The following SPOCK3 variants were observed in gnomAD, a reference collection of about 807,000 sequenced individuals.
SPOCK3 encodes SPARC (osteonectin), cwcv and kazal like domains proteoglycan 3, also known as testican-3.
Under a neutral mutation model 56.6 loss-of-function variants are expected in SPOCK3, and 30 were observed. The observed-to-expected ratio is 0.53, with a 90% CI of 0.40 to 0.72. The LOEUF (loss-of-function observed/expected upper bound fraction) is 0.72. SPOCK3 is among the 30% of genes least tolerant of loss of function. SPOCK3 has a pLI of 0.00. For synonymous variants in SPOCK3, 196 were observed against 183.3 expected, an observed-to-expected ratio of 1.07 and a Z score of -0.56; for missense variants, 527 against 530.0, an observed-to-expected ratio of 0.99 and a Z score of 0.06.
At chr4:166,959,029 A>G (rs556569828) in intron 4 of SPOCK3, among the ~76,000 whole-genome samples, 97 of 152,298 alleles carry the variant, frequency 6.4e-4, no homozygotes, top group Non-Finnish European at 1.2e-3. Context: ...AAAAAGATTA[A>G]TTTTTATTTA....
intron 2 of SPOCK3, among the ~76,000 whole-genome samples, chr4:167,229,142 G>A (rs1333372396): frequency 1.3e-5 from 2 of 151,980 alleles, no homozygotes; most frequent in South Asian, 2.1e-4. Context: ...CATAAGAATT[G>A]GATATCCATT....
At chr4:166,958,314 C>G (rs1019224046) in intron 4 of SPOCK3, among the ~76,000 whole-genome samples, 1 of 152,134 alleles carries the variant, frequency 6.6e-6, no homozygotes, top group African/African-American at 2.4e-5. Flanking sequence ...CTGAGGCCTC[C>G]CCAGAAGCAG....
At chr4:167,023,991 C>A (rs1561131474) in intron 3 of SPOCK3, among the ~76,000 whole-genome samples, 1 of 152,030 alleles carries the variant, frequency 6.6e-6, no homozygotes, top group Non-Finnish European at 1.5e-5. Context: ...TCCCTTTTCT[C>A]TCCCTGCTAC....
chr4:167,162,035 TATA>T (rs1482318196), intron 2 of SPOCK3, among the ~76,000 whole-genome samples: 9 of 151,884 alleles, frequency 5.9e-5, no homozygotes, highest in Admixed American at 3.9e-4. Context: ...AAACTTAAAG[TATA>T]ATAATAAAAA....
intron 6 of SPOCK3, among the ~76,000 whole-genome samples, chr4:166,846,863 TC>T (rs1748110009): frequency 6.6e-6 from 1 of 152,102 alleles, no homozygotes; most frequent in Non-Finnish European, 1.5e-5. Flanking sequence ...GAAAATTGAT[TC>T]CTGATTTTCC....
At chr4:166,766,627 A>T (rs557456583) in intron 7 of SPOCK3, among the ~76,000 whole-genome samples, 2 of 152,290 alleles carry the variant, frequency 1.3e-5, no homozygotes, top group East Asian at 3.9e-4. Context: ...AATGTTCATC[A>T]GCGATATTGG....
At chr4:167,228,222 A>C (rs1736793900) in intron 2 of SPOCK3, among the ~76,000 whole-genome samples, 1 of 152,154 alleles carries the variant, frequency 6.6e-6, no homozygotes, top group Non-Finnish European at 1.5e-5. Context: ...TCAACTTGAC[A>C]TACACACATA....
chr4:167,194,468 G>A (rs1732751326), intron 2 of SPOCK3, among the ~76,000 whole-genome samples: 2 of 152,148 alleles, frequency 1.3e-5, no homozygotes, highest in African/African-American at 2.4e-5. Context: ...CTTGTGTGGT[G>A]TCATGTTTTA....
At chr4:167,050,414 C>A (rs909353571) in intron 3 of SPOCK3, among the ~76,000 whole-genome samples, 49 of 152,122 alleles carry the variant, frequency 3.2e-4, no homozygotes, top group African/African-American at 1.1e-3. Context: ...ATAATGTTGA[C>A]AAGGATGAGG....
chr4:166,741,401 G>A (rs1320512885), intron 9 of SPOCK3, among the ~76,000 whole-genome samples: 1 of 152,092 alleles, frequency 6.6e-6, no homozygotes, highest in Admixed American at 6.5e-5. Context: ...TCCAAAAATA[G>A]TTTATTTAAA....
intron 3 of SPOCK3, among the ~76,000 whole-genome samples, chr4:167,002,943 A>G (rs1197966235): frequency 6.6e-6 from 1 of 152,208 alleles, no homozygotes; most frequent in East Asian, 1.9e-4. Context: ...CATATATGTC[A>G]TATACTCCTT....
intron 7 of SPOCK3, among the ~76,000 whole-genome samples, chr4:166,781,169 A>G (rs1740126075): frequency 6.6e-6 from 1 of 152,202 alleles, no homozygotes; most frequent in Non-Finnish European, 1.5e-5. Flanking sequence ...AGAGACATGT[A>G]TAAAAGGAAG....
intron 2 of SPOCK3, among the ~76,000 whole-genome samples, chr4:167,102,264 G>T (rs2150327183): frequency 6.6e-6 from 1 of 152,130 alleles, no homozygotes; most frequent in South Asian, 2.1e-4. Context: ...GGCCTCAGTA[G>T]ACAACAACCT....
At chr4:166,995,123 T>A (rs2558135) in intron 4 of SPOCK3, among the ~76,000 whole-genome samples, 1 of 151,816 alleles carries the variant, frequency 6.6e-6, no homozygotes, top group South Asian at 2.1e-4. Context: ...ACCAATTGAA[T>A]AAATTAAGTG....
chr4:167,068,196 C>A (rs1231268697), intron 2 of SPOCK3, among the ~76,000 whole-genome samples: 1 of 151,390 alleles, frequency 6.6e-6, no homozygotes, highest in African/African-American at 2.4e-5. Context: ...AAATAAATAT[C>A]AAAGAAAGCA....
chr4:167,059,458 T>C (rs1272798565), intron 3 of SPOCK3, among the ~76,000 whole-genome samples: 13 of 151,768 alleles, frequency 8.6e-5, no homozygotes, highest in Non-Finnish European at 4.4e-5. Context: ...TGAGATACCA[T>C]CTCACACCAG....
At chr4:167,230,500 C>CAAAAAAAA in intron 2 of SPOCK3, among the ~76,000 whole-genome samples, 1 of 85,876 alleles carries the variant, frequency 1.2e-5, no homozygotes, top group Non-Finnish European at 2.5e-5. Context: ...AGCCCCCCAC[C>CAAAAAAAA]AAAAAAAAAA....
intron 3 of SPOCK3, among the ~76,000 whole-genome samples, chr4:167,008,121 G>A (rs1314739747): frequency 2.0e-5 from 3 of 151,850 alleles, no homozygotes; most frequent in Non-Finnish European, 4.4e-5. Context: ...TTGAGCTTGA[G>A]CAGTAGTAGC....
chr4:167,030,989 C>T (rs1752228143), intron 3 of SPOCK3, among the ~76,000 whole-genome samples: 1 of 152,002 alleles, frequency 6.6e-6, no homozygotes, highest in Non-Finnish European at 1.5e-5. Flanking sequence ...TAAAATTTTT[C>T]TCTCATCATA....
Sources: allele counts gnomAD v4.1 joint callset (sites outside exome capture counted in the v4.1 genomes callset), GRCh38; gene constraint gnomAD v4.1.1; transcripts MANE v1.5; gene names NCBI Gene and HGNC (gene_info 2026-07-23, HGNC 2026-07-21).